The following WDR25 variants were observed in gnomAD, a reference collection of about 807,000 sequenced individuals.
WDR25 encodes the protein WD repeat domain 25.
Under a neutral mutation model 47.7 loss-of-function variants are expected in WDR25, and 35 were observed. The observed-to-expected ratio is 0.73, with a 90% CI of 0.56 to 0.97. The LOEUF (loss-of-function observed/expected upper bound fraction) is 0.97. Among genes scored for constraint, WDR25 ranks in the 50% least tolerant of loss-of-function variants. WDR25 has a pLI of 0.00. For missense variants in WDR25, 634 were observed against 704.7 expected (o/e 0.90, Z 1.14); for synonymous variants, 248 against 278.9 (o/e 0.89, Z 1.10).
intron 2 of WDR25, among the ~76,000 whole-genome samples, chr14:100,447,090 G>A (rs923390510): frequency 1.3e-5 from 2 of 152,114 alleles, no homozygotes; most frequent in African/African-American, 2.4e-5. Context: ...GAAAATTTCT[G>A]GGCTCCATTT....
chr14:100,481,733 T>C (rs181744326), intron 3 of WDR25, among the ~76,000 whole-genome samples: 1 of 152,348 alleles, frequency 6.6e-6, no homozygotes, highest in African/African-American at 2.4e-5. Flanking sequence ...GCTCTCCCTG[T>C]CAGAATTGTG....
intron 2 of WDR25, among the ~76,000 whole-genome samples, chr14:100,399,974 G>A (rs139906032): frequency 6.6e-6 from 1 of 152,216 alleles, no homozygotes; most frequent in Non-Finnish European, 1.5e-5. Flanking sequence ...ACATGGGAGA[G>A]GGTTAGATGC....
intron 2 of WDR25, among the ~76,000 whole-genome samples, chr14:100,389,672 G>T (rs946590019): frequency 1.3e-5 from 2 of 152,224 alleles, no homozygotes; most frequent in Non-Finnish European, 2.9e-5. Flanking sequence ...CTTGGCAGAG[G>T]ACAGCGTACC....
intron 4 of WDR25, chr14:100,503,799 T>C (rs1901022523): frequency 6.6e-6 from 1 of 152,246 alleles, no homozygotes; most frequent in Non-Finnish European, 1.5e-5. Context: ...TGTAATTCGC[T>C]TTAATTATGT....
chr14:100,501,831 G>A (rs999132189), intron 4 of WDR25, among the ~76,000 whole-genome samples: 15 of 152,210 alleles, frequency 9.9e-5, no homozygotes, highest in Non-Finnish European at 2.1e-4. Flanking sequence ...CACTGAATGT[G>A]GGGGCTCACA....
chr14:100,500,768 C>A lies in WDR25; in HGVS notation c.1101+16644C>A, dbSNP rs1368894163. On this transcript the variant is annotated intron_variant, in intron 4 of 6. Transcript: ENST00000402312. The surrounding 1 kb of genome is among the most constrained non-coding windows in gnomAD (Gnocchi z 4.7). The stretch of plus-strand genomic sequence containing the variant: ...TGGTACTGCGAGGCAGGGGCCTGGG[C>A]TTTTCAGAGTTGGGCTGCTCTTGGG... 3.3e-5 allele frequency among the ~76,000 whole-genome samples: 5 copies of A among 152,134 alleles called. No individual in the cohort carries two copies. Among genetic ancestry groups the A allele is most frequent in the African/African-American group, 7.2e-5 (3 of 41,422 alleles).
chr14:100,376,829 T>C, intron 1 of WDR25: 2 of 1,038,150 alleles, frequency 1.9e-6, no homozygotes, highest in Non-Finnish European at 2.5e-6. Context: ...CAGGAAATGT[T>C]TGTTGAATGG....
intron 2 of WDR25, among the ~76,000 whole-genome samples, chr14:100,444,768 G>A (rs1419707373): frequency 6.6e-6 from 1 of 152,224 alleles, no homozygotes; most frequent in African/African-American, 2.4e-5. Flanking sequence ...TCCTCCTCAC[G>A]TCCTTAGGGA....
At chr14:100,400,799 G>A (rs1334456883) in intron 2 of WDR25, among the ~76,000 whole-genome samples, 1 of 152,152 alleles carries the variant, frequency 6.6e-6, no homozygotes, top group Non-Finnish European at 1.5e-5. Flanking sequence ...GGAAGCTTTG[G>A]TGTGTGAATA....
At chr14:100,503,876 TAAG>T (rs1445974490) in intron 4 of WDR25, 6 of 152,236 alleles carry the variant, frequency 3.9e-5, no homozygotes, top group African/African-American at 1.2e-4. Context: ...GCCCAGCTGA[TAAG>T]AAGAACTAAC....
intron 2 of WDR25, among the ~76,000 whole-genome samples, chr14:100,418,450 G>A (rs1897931846): frequency 6.6e-6 from 1 of 151,402 alleles, no homozygotes; most frequent in South Asian, 2.1e-4. Context: ...TGGCCAACAC[G>A]GTGAAACCCC....
intron 1 of WDR25, among the ~76,000 whole-genome samples, chr14:100,380,041 CTTTT>C (rs1285849842): frequency 1.5e-5 from 1 of 68,452 alleles, no homozygotes; most frequent in East Asian, 3.0e-4. Context: ...GCACCCAGCG[CTTTT>C]TTCTTTTCTT....
At position 100,506,231 on chromosome 14, in the gene WDR25, C is replaced by G. The variant is rs977864259; in HGVS notation, c.1102-19639C>G. 6.6e-6 allele frequency among the ~76,000 whole-genome samples: 1 copy of G among 152,190 alleles called. No homozygotes were observed. The highest frequency in any genetic ancestry group is 1.5e-5 in the Non-Finnish European group (1 of 68,038). Reference sequence around the variant, plus strand: ...GTCTCCAACTTCATCCGTGTTGCTGCAAAGGACATGATTTCATCCTTTTTT... The same window carrying G: ...GTCTCCAACTTCATCCGTGTTGCTGGAAAGGACATGATTTCATCCTTTTTT... On this transcript the variant is annotated intron_variant, in intron 4 of 6. Coordinates refer to ENST00000402312, the MANE Select transcript of WDR25 (RefSeq NM_001161476.3). This position sits in a 1 kb window ranked among gnomAD's most constrained non-coding sequence, Gnocchi z 4.8.
rs8012971 is a variant in WDR25, at chr14:100,428,656, G to A, written c.823-39365G>A. Among the ~76,000 whole-genome samples, 7,993 of 152,174 alleles carry A rather than the reference G, an allele frequency of 0.053. 686 individuals are homozygous for A. Among genetic ancestry groups the A allele is most frequent in the African/African-American group, 0.18 (7,556 of 41,488 alleles). ...CCCCTCTTCCCTGGTCTTATCCCTC[G>A]GAGGTGCTCTGCTGAGAGCTGCCCC... is the stretch of plus-strand genomic sequence containing the variant. On this transcript the variant is annotated intron_variant, in intron 2 of 6. Coordinates refer to ENST00000402312, the MANE Select transcript of WDR25 (RefSeq NM_001161476.3). This position sits in a 1 kb window ranked among gnomAD's most constrained non-coding sequence, Gnocchi z 4.3.
rs2030073818 is a variant in WDR25 at position 100,525,453 on chromosome 14, A to G, written c.1102-417A>G. 6.6e-6 allele frequency among the ~76,000 whole-genome samples: 1 copy of G among 152,204 alleles called. No individual in the cohort carries two copies. Among genetic ancestry groups the G allele is most frequent in the Admixed American group, 6.5e-5 (1 of 15,286 alleles). ...TTACTGTGGCTCCTCTGGGACAACAATCTGGGACTTTGCAAGCTGTGAATT... is the reference window on the plus strand; with the variant it reads ...TTACTGTGGCTCCTCTGGGACAACAGTCTGGGACTTTGCAAGCTGTGAATT... On this transcript the variant is annotated intron_variant, in intron 4 of 6. Transcript: ENST00000402312. This position sits in a 1 kb window ranked among gnomAD's most constrained non-coding sequence, Gnocchi z 4.6.
chr14:100,402,300 G>C (rs1389378073), intron 2 of WDR25, among the ~76,000 whole-genome samples: 2 of 151,850 alleles, frequency 1.3e-5, no homozygotes, highest in Non-Finnish European at 2.9e-5. Flanking sequence ...TTTCCATCCA[G>C]CACGTCAGAG....
intron 3 of WDR25, among the ~76,000 whole-genome samples, chr14:100,480,185 G>T (rs2140313863): frequency 6.6e-6 from 1 of 152,286 alleles, no homozygotes; most frequent in East Asian, 1.9e-4. Flanking sequence ...AACCACATTT[G>T]TCTTCACTAC....
chr14:100,390,391 CTGTG>C (rs55802109), intron 2 of WDR25, among the ~76,000 whole-genome samples: 49,795 of 146,586 alleles, frequency 0.34, 9,285 homozygotes, highest in South Asian at 0.6. Flanking sequence ...TGACCAAAAG[CTGTG>C]TGTGTGTGTG....
At position 100,502,548 on chromosome 14, in the gene WDR25, C is replaced by T. The variant is rs1404076598; in HGVS notation, c.1101+18424C>T. Among the ~76,000 whole-genome samples, 1 of 152,232 alleles carries T rather than the reference C, an allele frequency of 6.6e-6. No individual in the cohort carries two copies. The highest frequency in any genetic ancestry group is 1.5e-5 in the Non-Finnish European group (1 of 68,040). On this transcript the variant is annotated intron_variant, in intron 4 of 6. Coordinates refer to ENST00000402312, the MANE Select transcript of WDR25 (RefSeq NM_001161476.3). The surrounding 1 kb of genome is among the most constrained non-coding windows in gnomAD (Gnocchi z 4.5). Reference sequence around the variant, plus strand: ...TCCCCACCTGCCAGCTCCAGTTCCACCAGTGTCCTGGAGCTGCTCACTTTA... The same window carrying T: ...TCCCCACCTGCCAGCTCCAGTTCCATCAGTGTCCTGGAGCTGCTCACTTTA...
Sources: allele counts gnomAD v4.1 joint callset (sites outside exome capture counted in the v4.1 genomes callset), GRCh38; gene constraint gnomAD v4.1.1; non-coding constraint Gnocchi (gnomAD v3.1); transcripts MANE v1.5; gene names NCBI Gene and HGNC (gene_info 2026-07-23, HGNC 2026-07-21).